Variants in CPLX1 observed in about 807,000 individuals in gnomAD.
The protein encoded by CPLX1 is complexin 1.
In CPLX1, 6 loss-of-function variants were observed where a neutral mutation model predicts 15.6. The observed-to-expected ratio is 0.39, with a 90% CI of 0.21 to 0.76. The LOEUF (loss-of-function observed/expected upper bound fraction) is 0.76, where lower values mean the gene tolerates loss of function less well. Among genes scored for constraint, CPLX1 ranks in the 30% least tolerant of loss-of-function variants. The pLI is 0.43. For missense variants in CPLX1, 242 were observed against 188.6 expected (o/e 1.28, Z -1.66); for synonymous variants, 91 against 75.2 (o/e 1.21, Z -1.08).
At chr4:791,891 C>T (rs1746186835) in intron 3 of CPLX1, among the ~76,000 whole-genome samples, 1 of 152,220 alleles carries the variant, frequency 6.6e-6, no homozygotes, top group Non-Finnish European at 1.5e-5. Context: ...GTGCTGGAGC[C>T]ACCGAGGAAG....
At chr4:801,295 C>A (rs1401751900) in intron 2 of CPLX1, among the ~76,000 whole-genome samples, 1 of 151,866 alleles carries the variant, frequency 6.6e-6, no homozygotes, top group Non-Finnish European at 1.5e-5. Context: ...GCACTCCAGT[C>A]TGGGTGACAG....
chr4:806,206 C>T (rs956498833), intron 2 of CPLX1, among the ~76,000 whole-genome samples: 2 of 152,088 alleles, frequency 1.3e-5, no homozygotes, highest in African/African-American at 4.8e-5. Flanking sequence ...AAAACAGACA[C>T]GTAGACCAAT....
intron 2 of CPLX1, among the ~76,000 whole-genome samples, chr4:794,407 C>G (rs1036599653): frequency 6.6e-6 from 1 of 152,240 alleles, no homozygotes; most frequent in East Asian, 1.9e-4. Flanking sequence ...TAGCACAGAT[C>G]TGGACTCCTC....
At chr4:794,705 T>C (rs1469171116) in intron 2 of CPLX1, among the ~76,000 whole-genome samples, 1 of 152,220 alleles carries the variant, frequency 6.6e-6, no homozygotes, top group African/African-American at 2.4e-5. Context: ...CCCGTGGCTC[T>C]TTCTCCCTCC....
At chr4:795,648 TG>T (rs371341225) in intron 2 of CPLX1, among the ~76,000 whole-genome samples, 3 of 151,688 alleles carry the variant, frequency 2.0e-5, no homozygotes, top group African/African-American at 7.3e-5. Flanking sequence ...GTGGAGGCGG[TG>T]GGGGGGCGCA....
At chr4:804,522 T>A (rs1019788230) in intron 2 of CPLX1, among the ~76,000 whole-genome samples, 2 of 152,120 alleles carry the variant, frequency 1.3e-5, no homozygotes, top group African/African-American at 4.8e-5. Context: ...ATCATGGATT[T>A]AAATCGTACG....
At chr4:812,811 G>A (rs774475224) in intron 2 of CPLX1, among the ~76,000 whole-genome samples, 4 of 152,042 alleles carry the variant, frequency 2.6e-5, no homozygotes, top group Non-Finnish European at 2.9e-5. Context: ...GTGTCCTAAC[G>A]CTGCCTGCTC....
At chr4:824,429 A>G in intron 2 of CPLX1, 63 bp downstream of exon 2, 4 of 1,439,638 alleles carry the variant, frequency 2.8e-6, no homozygotes, top group Non-Finnish European at 3.9e-6. Flanking sequence ...GATGAGGAGC[A>G]GCTGCTGTGG....
rs575943555 is a variant in CPLX1 at position 816,082 on chromosome 4, G to C, written c.31+8410C>G. Among the ~76,000 whole-genome samples, 53 of 152,246 alleles carry C rather than the reference G, an allele frequency of 3.5e-4. 1 individual carries two copies. Among genetic ancestry groups the C allele is most frequent in the Non-Finnish European group, 2.9e-5 (2 of 68,020 alleles). On this transcript the variant is annotated intron_variant, in intron 2 of 3. Transcript: ENST00000304062. The stretch of plus-strand genomic sequence containing the variant: ...CTATTTAAGTTATATTCACCTTGGA[G>C]GCTGGTTTTTCTCACCAGCCTGAGA...
chr4:787,927 T>A (rs997163999), intron 3 of CPLX1: 3 of 985,232 alleles, frequency 3.0e-6, no homozygotes, highest in African/African-American at 1.7e-5. Flanking sequence ...TGTACGGAGC[T>A]GGACTTCCAT....
At chr4:813,699 C>G (rs1050765696) in intron 2 of CPLX1, among the ~76,000 whole-genome samples, 1 of 152,136 alleles carries the variant, frequency 6.6e-6, no homozygotes, top group African/African-American at 2.4e-5. Flanking sequence ...CACTCAAGCC[C>G]AGTCCACTGC....
chr4:818,897 G>A (rs1005184582), intron 2 of CPLX1, among the ~76,000 whole-genome samples: 2 of 152,236 alleles, frequency 1.3e-5, no homozygotes, highest in Non-Finnish European at 2.9e-5. Context: ...GTGGGGCCTC[G>A]CCTCATCCCG....
intron 2 of CPLX1, among the ~76,000 whole-genome samples, chr4:811,754 C>G (rs1746668833): frequency 6.6e-6 from 1 of 152,236 alleles, no homozygotes; most frequent in Non-Finnish European, 1.5e-5. Context: ...GGCTGTGCTG[C>G]TCAAGTCCTG....
At chr4:820,778 GC>G (rs1311190880) in intron 2 of CPLX1, among the ~76,000 whole-genome samples, 36 of 151,472 alleles carry the variant, frequency 2.4e-4, no homozygotes, top group African/African-American at 4.6e-4. Context: ...CCCCTCACCA[GC>G]CTCACGTGAA....
chr4:800,042 G>A (rs1746421262), intron 2 of CPLX1, among the ~76,000 whole-genome samples: 1 of 152,112 alleles, frequency 6.6e-6, no homozygotes, highest in African/African-American at 2.4e-5. Flanking sequence ...GGGCAGCCTT[G>A]TGGGACTGAG....
intron 2 of CPLX1, among the ~76,000 whole-genome samples, chr4:793,361 T>G (rs1038273883): frequency 2.6e-5 from 4 of 152,144 alleles, no homozygotes; most frequent in Non-Finnish European, 5.9e-5. Context: ...CGCTTGTTAC[T>G]GGCACCCAGG....
rs922175049 is a variant in CPLX1, at chr4:785,337, A to G, written c.*1164T>C. The G allele has an allele frequency of 2.0e-5, 3 of 152,484 alleles. No homozygotes were observed. The highest frequency in any genetic ancestry group is 7.2e-5 in the African/African-American group (3 of 41,440). 9.4% of individuals were successfully genotyped at this position (152,484 alleles called of 1,614,324 possible). On this transcript the variant is annotated 3_prime_UTR_variant, in exon 4 of 4. Transcript: ENST00000304062. Reference sequence around the variant, plus strand: ...GTCGTTAGTATTGCAGTCTAACGTTATGGCTTCTCTAAAGCTATGTAAGGT... The same window carrying G: ...GTCGTTAGTATTGCAGTCTAACGTTGTGGCTTCTCTAAAGCTATGTAAGGT...
At chr4:822,145 CCTCT>C (rs1331532363) in intron 2 of CPLX1, among the ~76,000 whole-genome samples, 11 of 151,128 alleles carry the variant, frequency 7.3e-5, no homozygotes, top group African/African-American at 1.2e-4. Context: ...ACTGTCTCTC[CCTCT>C]GTTTCTGATT....
intron 1 of CPLX1, 186 bp from the exon 2 acceptor site, chr4:824,787 GAA>G (rs1320993366): frequency 4.4e-6 from 3 of 675,694 alleles, no homozygotes; most frequent in Non-Finnish European, 8.2e-6. Flanking sequence ...CAGAGGACCT[GAA>G]AATGGTCTCC....
Sources: gnomAD v4.1 joint callset for allele counts (sites outside exome capture counted in the v4.1 genomes callset) on GRCh38, gnomAD v4.1.1 for gene constraint, MANE v1.5 for transcripts, NCBI Gene and HGNC (gene_info 2026-07-23, HGNC 2026-07-21) for gene names.